The following UBE3D variants were observed in gnomAD, a reference collection of about 807,000 sequenced individuals.
UBE3D encodes the protein ubiquitin protein ligase E3D.
A neutral mutation model predicts 49.6 loss-of-function variants in UBE3D; 48 were observed. That is an observed-to-expected ratio of 0.97 (90% CI 0.77 to 1.23). The LOEUF is 1.23. Ranked by LOEUF, UBE3D falls within the 50% of genes most tolerant of loss-of-function variation. The pLI, the probability that UBE3D is intolerant of heterozygous loss-of-function variation, is 0.00. For missense variants in UBE3D, 452 were observed against 468.4 expected (o/e 0.96, Z 0.32); for synonymous variants, 189 against 174.2 (o/e 1.08, Z -0.67).
At chr6:83,003,198 G>C (rs1291373245) in intron 8 of UBE3D, among the ~76,000 whole-genome samples, 1 of 152,102 alleles carries the variant, frequency 6.6e-6, no homozygotes, top group Non-Finnish European at 1.5e-5. Flanking sequence ...ACATAGAACA[G>C]AGAAGAAACA....
chr6:83,006,314 A>G (rs1779976522), intron 8 of UBE3D, among the ~76,000 whole-genome samples: 1 of 152,176 alleles, frequency 6.6e-6, no homozygotes, highest in South Asian at 2.1e-4. Flanking sequence ...CCTAACCCCA[A>G]TGTCCTTGTA....
intron 9 of UBE3D, among the ~76,000 whole-genome samples, chr6:82,920,333 T>C (rs181913376): frequency 6.6e-6 from 1 of 152,336 alleles, no homozygotes; most frequent in East Asian, 1.9e-4. Flanking sequence ...GGACAAAAAG[T>C]AGTAAGAGAC....
chr6:83,002,790 A>C (rs916276702), intron 8 of UBE3D, among the ~76,000 whole-genome samples: 1 of 152,208 alleles, frequency 6.6e-6, no homozygotes, highest in Non-Finnish European at 1.5e-5. Flanking sequence ...GGAAGCAGAC[A>C]TGGGGCCCTC....
At chr6:83,056,726 G>A (rs1783837641) in intron 2 of UBE3D, among the ~76,000 whole-genome samples, 1 of 152,060 alleles carries the variant, frequency 6.6e-6, no homozygotes, top group Non-Finnish European at 1.5e-5. Context: ...ACAGACTCAG[G>A]GGAATACTCA....
At chr6:83,035,299 T>G (rs6938070) in intron 5 of UBE3D, among the ~76,000 whole-genome samples, 9 of 152,096 alleles carry the variant, frequency 5.9e-5, no homozygotes, top group Middle Eastern at 3.4e-3. Context: ...CCGCTCTCCT[T>G]TATTGTACAC....
intron 4 of UBE3D, among the ~76,000 whole-genome samples, chr6:83,039,014 G>A (rs780738983): frequency 1.3e-5 from 2 of 152,166 alleles, no homozygotes; most frequent in Non-Finnish European, 2.9e-5. Flanking sequence ...CTTAGGATCG[G>A]CACTGTAACT....
At chr6:83,059,704 C>T (rs1313436012) in intron 1 of UBE3D, among the ~76,000 whole-genome samples, 3 of 152,130 alleles carry the variant, frequency 2.0e-5, no homozygotes, top group Admixed American at 2.0e-4. Flanking sequence ...GGTGGTGACA[C>T]AGTGGCCCAG....
rs1582421662 is a variant in UBE3D at position 82,943,640 on chromosome 6, C to CA, written c.1149+13671dup. ...GACAGAGCGAGACCCTGTCTCAAAA[C>CA]AAAAAACAAACAACAACTACAAAAA... is the stretch of plus-strand genomic sequence containing the variant. On this transcript the variant is annotated intron_variant, in intron 9 of 9. Coordinates refer to ENST00000369747, the MANE Select transcript of UBE3D (RefSeq NM_198920.3). Among the ~76,000 whole-genome samples the CA allele has an allele frequency of 2.0e-5, 3 of 151,844 alleles. No individual in the cohort carries two copies. In the East Asian group the frequency reaches 5.8e-4, roughly 29 times the overall value.
chr6:83,010,148 T>C (rs1780241335), intron 8 of UBE3D, among the ~76,000 whole-genome samples: 1 of 152,098 alleles, frequency 6.6e-6, no homozygotes, highest in Non-Finnish European at 1.5e-5. Context: ...ATCTAAATAT[T>C]GACAGTTAAA....
At chr6:82,886,242 A>AT in the UBE3D span, among the ~76,000 whole-genome samples, 1 of 152,012 alleles carries the variant, frequency 6.6e-6, no homozygotes, top group Non-Finnish European at 1.5e-5. Flanking sequence ...GTGGAAGACA[A>AT]TTTTTCCATG....
At chr6:82,921,573 T>C (rs867696240) in intron 9 of UBE3D, among the ~76,000 whole-genome samples, 8 of 152,162 alleles carry the variant, frequency 5.3e-5, no homozygotes, top group African/African-American at 7.2e-5. Flanking sequence ...TAGAGGCAGA[T>C]GGTGAATGAA....
At chr6:82,946,105 T>C (rs1775381910) in intron 9 of UBE3D, among the ~76,000 whole-genome samples, 1 of 152,004 alleles carries the variant, frequency 6.6e-6, no homozygotes, top group African/African-American at 2.4e-5. Context: ...AAAGGGATAA[T>C]AACAGAGAAC....
intron 9 of UBE3D, among the ~76,000 whole-genome samples, chr6:82,896,640 T>G (rs897504794): frequency 9.8e-5 from 15 of 152,356 alleles, no homozygotes; most frequent in African/African-American, 3.6e-4. Flanking sequence ...AATACATTTG[T>G]GTGACACGTT....
At chr6:82,888,239 A>C (rs1347063828), downstream of UBE3D, among the ~76,000 whole-genome samples, 1 of 151,254 alleles carries the variant, frequency 6.6e-6, no homozygotes, top group African/African-American at 2.4e-5. Context: ...GAACCTCCAT[A>C]TAGGCAATCT....
At chr6:82,909,741 G>A (rs112210390) in intron 9 of UBE3D, among the ~76,000 whole-genome samples, 1 of 152,162 alleles carries the variant, frequency 6.6e-6, no homozygotes, top group Non-Finnish European at 1.5e-5. Flanking sequence ...TCACCTTCAT[G>A]TTGATTCTCT....
intron 9 of UBE3D, among the ~76,000 whole-genome samples, chr6:82,904,844 C>T (rs1248306628): frequency 1.3e-5 from 2 of 152,108 alleles, no homozygotes; most frequent in Admixed American, 1.3e-4. Flanking sequence ...GCAGATATTG[C>T]ATCTGAAGAA....
chr6:82,915,301 A>G (rs979113122), intron 9 of UBE3D, among the ~76,000 whole-genome samples: 5 of 152,230 alleles, frequency 3.3e-5, no homozygotes, highest in African/African-American at 4.8e-5. Context: ...ACAGGAGATC[A>G]CAGAAAAAAT....
intron 9 of UBE3D, among the ~76,000 whole-genome samples, chr6:82,944,483 T>C (rs779242613): frequency 6.6e-5 from 10 of 152,154 alleles, no homozygotes; most frequent in Non-Finnish European, 1.3e-4. Flanking sequence ...GCTGTGGGCC[T>C]TGGGTGAGAT....
chr6:82,930,911 A>G (rs945389181), intron 9 of UBE3D, among the ~76,000 whole-genome samples: 3 of 152,166 alleles, frequency 2.0e-5, no homozygotes, highest in Admixed American at 6.5e-5. Context: ...CACCAAGACA[A>G]TGGGGAAAAT....
Sources: allele counts gnomAD v4.1 joint callset (sites outside exome capture counted in the v4.1 genomes callset), GRCh38; gene constraint gnomAD v4.1.1; transcripts MANE v1.5; gene names NCBI Gene and HGNC (gene_info 2026-07-23, HGNC 2026-07-21).